Variants in MYO10 observed in about 807,000 individuals in gnomAD.
The protein encoded by MYO10 is unconventional myosin-X.
Under a neutral mutation model 257.3 loss-of-function variants are expected in MYO10, and 133 were observed. That is an observed-to-expected ratio of 0.52 (90% CI 0.45 to 0.60). The LOEUF (loss-of-function observed/expected upper bound fraction) is 0.60, where lower values mean the gene tolerates loss of function less well. Ranked by LOEUF, MYO10 falls within the 20% of genes least tolerant of loss-of-function variation. MYO10 has a pLI of 0.00. For synonymous variants in MYO10, 1,104 were observed against 1,028.6 expected (o/e 1.07, Z -1.40); for missense variants, 2,399 against 2,635.7 (o/e 0.91, Z 1.97).
chr5:16,665,688 C>T lies in MYO10; in HGVS notation c.*1004G>A, dbSNP rs549615514. ...ATCTATCCAGAATGATAGAAGCTAA[C>T]CTTCCAAGTAACACTTTGTTTTTAA... On this transcript the variant is annotated 3_prime_UTR_variant, in exon 41 of 41. Coordinates refer to ENST00000513610, the MANE Select transcript of MYO10 (RefSeq NM_012334.3). 3 of 152,688 alleles carry T rather than the reference C, an allele frequency of 2.0e-5. No individual in the cohort carries two copies. The South Asian group carries it at 6.2e-4, about 32-fold the overall frequency. 9.5% of individuals were successfully genotyped at this position (152,688 alleles called of 1,614,324 possible). A position where few individuals can be genotyped will look rare whatever the true frequency, so the allele number is the denominator to read the frequency against.
intron 21 of MYO10, among the ~76,000 whole-genome samples, chr5:16,709,451 C>T (rs1738495301): frequency 6.6e-6 from 1 of 152,178 alleles, no homozygotes; most frequent in South Asian, 2.1e-4. Flanking sequence ...TACGCTGGAG[C>T]ATGTGGTTAT....
At chr5:16,696,881 T>C (rs1434719326) in intron 26 of MYO10, among the ~76,000 whole-genome samples, 4 of 150,614 alleles carry the variant, frequency 2.7e-5, no homozygotes, top group African/African-American at 9.8e-5. Context: ...AAAATCAATG[T>C]CATACATTAA....
rs537512219 is a variant in MYO10, at chr5:16,755,825, G to A, written c.1849-917C>T. On this transcript the variant is annotated intron_variant, in intron 18 of 40. Coordinates refer to ENST00000513610, the MANE Select transcript of MYO10 (RefSeq NM_012334.3). ...TTCAGCTCAGGGCTAATCTCATTTC[G>A]CCTGATCCACACATACTATACCCAC... is the stretch of plus-strand genomic sequence containing the variant. Among the ~76,000 whole-genome samples, 65 of 146,580 alleles carry A rather than the reference G, an allele frequency of 4.4e-4. 1 individual carries two copies. In the South Asian group the frequency reaches 0.014, roughly 31 times the overall value.
chr5:16,673,727 G>T lies in MYO10; in HGVS notation c.5127C>A (p.Gly1709=), dbSNP rs753278877. 5 of 1,613,806 alleles carry T rather than the reference G, an allele frequency of 3.1e-6. No individual in the cohort carries two copies. The highest frequency in any genetic ancestry group is 4.5e-5 in the East Asian group (2 of 44,882). ...AGTTGATGGTGATCTTGCAGGAGCC[G>T]CCGCCATGGCAATAGACCGTGGATG... The part of the protein sequence containing the change: ...EMTSTVYCHG[G]GSCKITINSH... The change falls in exon 36 of 41, where the codon GGC becomes GGA. Residue 1709 remains glycine, a synonymous_variant. Coordinates refer to ENST00000513610, the MANE Select transcript of MYO10 (RefSeq NM_012334.3).
chr5:16,752,455 G>A (rs373636050), intron 19 of MYO10, among the ~76,000 whole-genome samples: 4 of 151,976 alleles, frequency 2.6e-5, no homozygotes, highest in Admixed American at 6.6e-5. Context: ...GCTAATTTTT[G>A]TATTTTTAGG....
chr5:16,694,440 G>T lies in MYO10; in HGVS notation c.3731C>A (p.Ser1244Tyr). 6.2e-7 allele frequency: 1 copy of T among 1,614,018 alleles called. No homozygotes were observed. Among genetic ancestry groups the T allele is most frequent in the Non-Finnish European group, 8.5e-7 (1 of 1,179,896 alleles). The change falls in exon 27 of 41, where the codon TCC becomes TAC. Residue 1244 changes from serine (S) to tyrosine (Y), a missense_variant. Around this residue, in one of 3 missense-constraint regions of MYO10, gnomAD observed 1,820 missense variants for 1,939.4 expected, o/e 0.94. Transcript: ENST00000513610. Reference protein sequence around the residue: ...WKKRWFVLRQSKLMYFENDSE... With the variant: ...WKKRWFVLRQYKLMYFENDSE... Reference sequence around the variant, plus strand: ...GTCGTTTTCAAAGTACATCAGCTTGGACTGGCGGAGGACAAACCAGCGCTT... The same window carrying T: ...GTCGTTTTCAAAGTACATCAGCTTGTACTGGCGGAGGACAAACCAGCGCTT...
At position 16,665,320 on chromosome 5, in the gene MYO10, T is replaced by G. The variant is rs1232759022; in HGVS notation, c.*1372A>C. ...CAGCGTGTTAGCTAGTATCTTTTAT[T>G]GTCAGAACTTCTGTGAGCCAACAAA... On this transcript the variant is annotated 3_prime_UTR_variant, in exon 41 of 41. Transcript: ENST00000513610. The G allele has an allele frequency of 6.6e-6, 1 of 152,202 alleles. No individual in the cohort carries two copies. The highest frequency in any genetic ancestry group is 1.5e-5 in the Non-Finnish European group (1 of 68,034). 9.4% of individuals were successfully genotyped at this position (152,202 alleles called of 1,614,324 possible).
At chr5:16,721,785 T>C (rs1028167756) in intron 19 of MYO10, among the ~76,000 whole-genome samples, 1 of 152,170 alleles carries the variant, frequency 6.6e-6, no homozygotes, top group African/African-American at 2.4e-5. Flanking sequence ...CTCAACTACC[T>C]AATGGGAAAG....
intron 3 of MYO10, among the ~76,000 whole-genome samples, chr5:16,810,808 C>T (rs1461157721): frequency 1.3e-5 from 2 of 151,844 alleles, no homozygotes; most frequent in African/African-American, 4.8e-5. Flanking sequence ...CAGTGGCTCA[C>T]GTCTGTAATC....
rs747294119 is a variant in MYO10 at position 16,701,052 on chromosome 5, T to C, written c.3343A>G (p.Ser1115Gly). 5 of 1,567,034 alleles carry C rather than the reference T, an allele frequency of 3.2e-6. No individual in the cohort carries two copies. Among genetic ancestry groups the C allele is most frequent in the Non-Finnish European group, 3.5e-6 (4 of 1,156,520 alleles). ...SSVTFSNSYG[S>G]QWSPDYRCSV... ...CAGCGGTAGTCGGGGGACCACTGGCTGCCGTAGGAGTTGGAGAAGGTCACG... is the reference window on the plus strand; with the variant it reads ...CAGCGGTAGTCGGGGGACCACTGGCCGCCGTAGGAGTTGGAGAAGGTCACG... The change falls in exon 25 of 41, where the codon AGC (serine) becomes GGC (glycine). Residue 1115 changes from serine to glycine, a missense_variant. Ser to Gly is a moderately conservative substitution (Grantham distance 56, BLOSUM62 0). Around this residue, in one of 3 missense-constraint regions of MYO10, gnomAD observed 1,820 missense variants for 1,939.4 expected, o/e 0.94. Transcript: ENST00000513610. The surrounding 1 kb of genome is among the most constrained non-coding windows in gnomAD (Gnocchi z 8.1).
intron 2 of MYO10, among the ~76,000 whole-genome samples, chr5:16,850,950 A>G (rs1212513729): frequency 2.0e-5 from 3 of 152,004 alleles, no homozygotes; most frequent in Non-Finnish European, 4.4e-5. Flanking sequence ...ATGCACCACC[A>G]TGCCCAGCTC....
At chr5:16,788,853 T>C (rs1346498226) in intron 4 of MYO10, among the ~76,000 whole-genome samples, 2 of 152,142 alleles carry the variant, frequency 1.3e-5, no homozygotes, top group Non-Finnish European at 2.9e-5. Flanking sequence ...CGAGCATCTT[T>C]TGTATTTTTT....
chr5:16,831,867 T>C (rs1183470880), intron 2 of MYO10, among the ~76,000 whole-genome samples: 1 of 152,130 alleles, frequency 6.6e-6, no homozygotes, highest in Non-Finnish European at 1.5e-5. Flanking sequence ...CCCAATAACC[T>C]ATGGAAATAA....
rs190124985 is a variant in MYO10 at position 16,891,099 on chromosome 5, G to A, written c.22-13392C>T. 1.3e-4 allele frequency among the ~76,000 whole-genome samples: 19 copies of A among 151,828 alleles called. No homozygotes were observed. The East Asian group carries it at 3.1e-3, about 25-fold the overall frequency. On this transcript the variant is annotated intron_variant, in intron 1 of 40. Transcript: ENST00000513610. ...GGTGTTAGAGACCGGCCTGACTAAC[G>A]TGGTGAAACCCAGTCTCCACTAAAA...
chr5:16,887,760 G>A (rs933417315), intron 1 of MYO10, among the ~76,000 whole-genome samples: 3 of 152,070 alleles, frequency 2.0e-5, no homozygotes, highest in Non-Finnish European at 4.4e-5. Flanking sequence ...CAAAGTGCTG[G>A]GATTACAGAC....
rs1475956384 is a variant in MYO10 at position 16,766,114 on chromosome 5, C to T, written c.1145G>A (p.Gly382Glu). ...ALTQRSMFLR[G>E]EEILTPLNVQ... is the part of the protein sequence containing the mutation. Reference sequence around the variant, plus strand: ...ATTGAGAGGCGTGAGGATCTCTTCTCCCCTGAGGAACATTGATCTCTGGGT... The same window carrying T: ...ATTGAGAGGCGTGAGGATCTCTTCTTCCCTGAGGAACATTGATCTCTGGGT... Residue 382 changes from glycine (G) to glutamate (E), a missense_variant, in exon 11 of 41, where the codon GGA becomes GAA. Coordinates refer to ENST00000513610, the MANE Select transcript of MYO10 (RefSeq NM_012334.3). 3.7e-6 allele frequency: 6 copies of T among 1,613,540 alleles called. No homozygotes were observed. The highest frequency in any genetic ancestry group is 5.1e-6 in the Non-Finnish European group (6 of 1,179,496).
chr5:16,702,837 G>T, intron 23 of MYO10, 88 bp downstream of exon 23: 1 of 1,246,648 alleles, frequency 8.0e-7, no homozygotes, highest in Non-Finnish European at 1.1e-6. Flanking sequence ...TGGGGCATCT[G>T]CTGGGATTTC....
chr5:16,935,993 G>T lies in MYO10; in HGVS notation c.-185C>A. 1 of 671,790 alleles carries T rather than the reference G, an allele frequency of 1.5e-6. No individual in the cohort carries two copies. The highest frequency in any genetic ancestry group is 2.6e-6 in the Non-Finnish European group (1 of 390,882). 41.6% of individuals were successfully genotyped at this position (671,790 alleles called of 1,614,324 possible). A position where few individuals can be genotyped will look rare whatever the true frequency, so the allele number is the denominator to read the frequency against. ...TCACCTTTTGTTCGCCCAAACCCAA[G>T]TCCCTAACTCGCCCGTCCCGACGGC... On this transcript the variant is annotated 5_prime_UTR_variant, in exon 1 of 41. Coordinates refer to ENST00000513610, the MANE Select transcript of MYO10 (RefSeq NM_012334.3).
At chr5:16,813,921 T>C (rs1742519408) in intron 3 of MYO10, among the ~76,000 whole-genome samples, 1 of 152,122 alleles carries the variant, frequency 6.6e-6, no homozygotes. Context: ...GACCAGGGAA[T>C]GTGAGCGGCC....
Sources: allele counts gnomAD v4.1 joint callset (sites outside exome capture counted in the v4.1 genomes callset), GRCh38; gene constraint gnomAD v4.1.1; regional missense constraint gnomAD v4.1.1; non-coding constraint Gnocchi (gnomAD v3.1); transcripts MANE v1.5; gene names NCBI Gene and HGNC (gene_info 2026-07-23, HGNC 2026-07-21).